Variants in SLCO1A2 observed in about 807,000 individuals in gnomAD.
The protein encoded by SLCO1A2 is OATP-1.
Under a neutral mutation model 69.0 loss-of-function variants are expected in SLCO1A2, and 67 were observed. The observed-to-expected ratio is 0.97, with a 90% CI of 0.80 to 1.19. The LOEUF is 1.19. Among genes scored for constraint, SLCO1A2 ranks in the 50% most tolerant of loss-of-function variants. SLCO1A2 has a pLI of 0.00. For missense variants in SLCO1A2, 787 were observed against 793.7 expected, an observed-to-expected ratio of 0.99 and a Z score of 0.10; for synonymous variants, 260 against 265.9, an observed-to-expected ratio of 0.98 and a Z score of 0.22.
intron 2 of SLCO1A2, among the ~76,000 whole-genome samples, chr12:21,351,143 G>A (rs1411532386): frequency 6.6e-6 from 1 of 152,094 alleles, no homozygotes; most frequent in Non-Finnish European, 1.5e-5. Flanking sequence ...CTATGGGGAG[G>A]CACTGAGTAA....
At chr12:21,303,242 A>G (rs2136475386) in intron 6 of SLCO1A2, among the ~76,000 whole-genome samples, 1 of 152,298 alleles carries the variant, frequency 6.6e-6, no homozygotes, top group East Asian at 1.9e-4. Context: ...AGAGATTATC[A>G]CAGCTACATT....
intron 4 of SLCO1A2, among the ~76,000 whole-genome samples, chr12:21,307,669 G>T (rs11045961): frequency 2.0e-5 from 3 of 152,052 alleles, no homozygotes; most frequent in Non-Finnish European, 4.4e-5. Context: ...ATTACATGCC[G>T]TAAGATGGGA....
At chr12:21,357,108 T>G (rs533303933) in intron 2 of SLCO1A2, among the ~76,000 whole-genome samples, 5 of 152,274 alleles carry the variant, frequency 3.3e-5, no homozygotes, top group Admixed American at 2.0e-4. Flanking sequence ...AGAAAACCTT[T>G]ATGGGTTGAA....
At position 21,285,201 on chromosome 12, in the gene SLCO1A2, A is replaced by G. The variant is rs544582934; in HGVS notation, c.1610+6963T>C. 4.0e-5 allele frequency among the ~76,000 whole-genome samples: 6 copies of G among 151,756 alleles called. No homozygotes were observed. In the East Asian group the frequency reaches 1.2e-3, roughly 30 times the overall value. On this transcript the variant is annotated intron_variant, in intron 12 of 14. Coordinates refer to ENST00000683939, the MANE Select transcript of SLCO1A2 (RefSeq NM_001386879.1). ...TCACCACCGATCCCACAGAAATACA[A>G]ACTACCATCAGAGAATACTACAAAC... is the stretch of plus-strand genomic sequence containing the variant.
At chr12:21,400,090 A>G (rs1941636440), upstream of SLCO1A2, among the ~76,000 whole-genome samples, 4 of 151,964 alleles carry the variant, frequency 2.6e-5, no homozygotes, top group South Asian at 6.2e-4. Context: ...TGAACAGGCA[A>G]CCTACAAAAT....
chr12:21,323,288 G>T (rs1300538522), intron 2 of SLCO1A2, among the ~76,000 whole-genome samples: 6 of 152,180 alleles, frequency 3.9e-5, no homozygotes, highest in Admixed American at 2.6e-4. Context: ...CAGGCACCGT[G>T]GCTCACATCT....
At position 21,269,746 on chromosome 12, in the gene SLCO1A2, C is replaced by A; in HGVS notation, c.1815G>T (p.Pro605=). The A allele has an allele frequency of 6.2e-7, 1 of 1,609,866 alleles. No individual in the cohort carries two copies. The highest frequency in any genetic ancestry group is 8.5e-7 in the Non-Finnish European group (1 of 1,177,518). Residue 605 remains proline, a synonymous_variant, in exon 15 of 15, where the codon CCG becomes CCT. Coordinates refer to ENST00000683939, the MANE Select transcript of SLCO1A2 (RefSeq NM_001386879.1). ...TTFRYIYLGL[P]AALRGSSFVP... is the part of the protein sequence containing the mutation. ...CAAAGCTTGATCCTCTTAGTGCTGC[C>A]GGCAATCCGAGGTAGATGTATCTAT...
At chr12:21,283,131 A>G (rs1432611378) in intron 12 of SLCO1A2, among the ~76,000 whole-genome samples, 1 of 152,184 alleles carries the variant, frequency 6.6e-6, no homozygotes, top group Admixed American at 6.6e-5. Context: ...AGCAAAAAGA[A>G]CAAAACTGGA....
intron 1 of SLCO1A2, among the ~76,000 whole-genome samples, chr12:21,408,713 C>T (rs956259176): frequency 4.7e-5 from 7 of 150,282 alleles, no homozygotes; most frequent in East Asian, 2.0e-4. Context: ...TCAGCGCATG[C>T]GTGTGTGTGT....
chr12:21,299,954 ATAT>A (rs1382704075), intron 8 of SLCO1A2, among the ~76,000 whole-genome samples: 3 of 149,032 alleles, frequency 2.0e-5, no homozygotes, highest in Non-Finnish European at 4.5e-5. Context: ...TCTCATATAT[ATAT>A]GTGTGTGTGT....
chr12:21,370,635 G>A (rs1354531177), intron 2 of SLCO1A2, among the ~76,000 whole-genome samples: 1 of 151,878 alleles, frequency 6.6e-6, no homozygotes, highest in Non-Finnish European at 1.5e-5. Context: ...CATTTTGAAT[G>A]TTATGTTTGG....
intron 6 of SLCO1A2, among the ~76,000 whole-genome samples, chr12:21,301,805 A>G (rs1042866026): frequency 6.6e-6 from 1 of 152,026 alleles, no homozygotes; most frequent in Non-Finnish European, 1.5e-5. Context: ...TTTATTTTCC[A>G]TGTCCATCAG....
At chr12:21,345,654 T>C (rs981850567) in intron 2 of SLCO1A2, among the ~76,000 whole-genome samples, 2 of 152,132 alleles carry the variant, frequency 1.3e-5, no homozygotes, top group Non-Finnish European at 2.9e-5. Flanking sequence ...AATGTATTTT[T>C]TCCATTTTAA....
At chr12:21,398,976 G>A (rs1398013308), upstream of SLCO1A2, among the ~76,000 whole-genome samples, 1 of 150,648 alleles carries the variant, frequency 6.6e-6, no homozygotes, top group African/African-American at 2.4e-5. Context: ...AGACAGGGAT[G>A]CCCTCTCTCA....
intron 1 of SLCO1A2, among the ~76,000 whole-genome samples, chr12:21,416,966 A>G (rs1267593676): frequency 1.3e-5 from 2 of 152,150 alleles, no homozygotes; most frequent in African/African-American, 2.4e-5. Context: ...TGTTGAATGT[A>G]TTAAGCTGGA....
chr12:21,410,195 T>C lies in SLCO1A2; in HGVS notation c.-312+7687A>G, dbSNP rs146123143. Among the ~76,000 whole-genome samples, 3 of 152,322 alleles carry C rather than the reference T, an allele frequency of 2.0e-5. No individual in the cohort carries two copies. The East Asian group carries it at 5.8e-4, about 29-fold the overall frequency. ...GTCTGAGGAAATCTCTAGATCAATC[T>C]TGAGTCCATCACTAGTCTTCCGCTT... On this transcript the variant is annotated intron_variant, in intron 1 of 4. Coordinates refer to the SLCO1A2 transcript ENST00000413682.
At chr12:21,351,778 C>CAA (rs59221872) in intron 2 of SLCO1A2, among the ~76,000 whole-genome samples, 147 of 128,722 alleles carry the variant, frequency 1.1e-3, no homozygotes, top group East Asian at 1.5e-3. Flanking sequence ...AATTCCGTCT[C>CAA]AAAAAAAAAA....
chr12:21,395,528 A>G (rs1277515791), upstream of SLCO1A2: 1 of 152,692 alleles, frequency 6.5e-6, no homozygotes, highest in Non-Finnish European at 1.5e-5. Context: ...ACCACAGCTC[A>G]AGAAGGCCTG....
At chr12:21,329,461 G>A (rs1318223999) in intron 2 of SLCO1A2, among the ~76,000 whole-genome samples, 1 of 151,376 alleles carries the variant, frequency 6.6e-6, no homozygotes, top group South Asian at 2.1e-4. Context: ...CATTCATTTA[G>A]CAATTACAGA....
Sources: gnomAD v4.1 joint callset for allele counts (sites outside exome capture counted in the v4.1 genomes callset) on GRCh38, gnomAD v4.1.1 for gene constraint, MANE v1.5 for transcripts, NCBI Gene and HGNC (gene_info 2026-07-23, HGNC 2026-07-21) for gene names.